Variants in ZAP70 observed in about 807,000 individuals in gnomAD.
ZAP70 encodes tyrosine-protein kinase ZAP-70.
Under a neutral mutation model 65.8 loss-of-function variants are expected in ZAP70, and 27 were observed. The observed-to-expected ratio is 0.41, with a 90% confidence interval of 0.30 to 0.57. The LOEUF (loss-of-function observed/expected upper bound fraction) is 0.57, where lower values mean the gene tolerates loss of function less well. Ranked by LOEUF, ZAP70 falls within the 20% of genes least tolerant of loss-of-function variation. The probability of loss-of-function intolerance (pLI) is 0.28; values close to 1 mark genes in which losing one functional copy is unlikely to be tolerated. For missense variants in ZAP70, 696 were observed against 870.5 expected (o/e 0.80, Z 2.52); for synonymous variants, 363 against 360.8 (o/e 1.01, Z -0.07).
In ZAP70 at chr2:97,724,100, G is replaced by T; in HGVS notation, c.64G>T (p.Glu22Ter). 6.4e-7 allele frequency: 1 copy of T among 1,566,824 alleles called. No individual in the cohort carries two copies. Among genetic ancestry groups the T allele is most frequent in the Non-Finnish European group, 8.6e-7 (1 of 1,159,510 alleles). ...YGSISRAEAE[E>*]HLKLAGMADG... is the part of the protein sequence containing the mutation. ...CAGCATCTCGCGTGCCGAGGCCGAG[G>T]AGCACCTGAAGCTGGCGGGCATGGC... The change falls in exon 3 of 14, where the codon GAG becomes TAG. Residue 22 changes from glutamate (E) to a stop codon, truncating the protein, a stop_gained. Coordinates refer to ENST00000264972, the MANE Select transcript of ZAP70 (RefSeq NM_001079.4). LOFTEE classifies it high-confidence loss of function.
chr2:97,749,333 C>T, the ZAP70 span, among the ~76,000 whole-genome samples: 2 of 152,294 alleles, frequency 1.3e-5, no homozygotes, highest in East Asian at 3.9e-4. Context: ...TTACAAAAGG[C>T]ACAGACTAAT....
chr2:97,716,214 C>T (rs933125335), intron 2 of ZAP70, among the ~76,000 whole-genome samples: 1 of 152,160 alleles, frequency 6.6e-6, no homozygotes, highest in Non-Finnish European at 1.5e-5. Flanking sequence ...TCCCGCCATC[C>T]TCCACCCAAG....
intron 13 of ZAP70, 37 bp from the exon 14 acceptor site, chr2:97,739,338 C>T (rs762164025): frequency 2.2e-5 from 36 of 1,611,200 alleles, no homozygotes; most frequent in Middle Eastern, 1.6e-4. Flanking sequence ...GTCCTGGGGG[C>T]GTGGTCAGCA....
Position 97,734,611 on chromosome 2 carries a change from C to G in ZAP70, c.981C>G (p.Asp327Glu), listed in dbSNP as rs201605654. The G allele has an allele frequency of 1.4e-4, 220 of 1,614,126 alleles. No individual in the cohort carries two copies. The highest frequency in any genetic ancestry group is 6.0e-4 in the Admixed American group (36 of 60,014). ...SPYSDPEELK[D>E]KKLFLKRDNL... Reference sequence around the variant, plus strand: ...ACAGCGACCCAGAGGAGCTCAAGGACAAGAAGCTCTTCCTGAAGCGCGATA... The same window carrying G: ...ACAGCGACCCAGAGGAGCTCAAGGAGAAGAAGCTCTTCCTGAAGCGCGATA... The change falls in exon 9 of 14, where the codon GAC becomes GAG. Residue 327 changes from aspartate (D) to glutamate (E), a missense_variant. Around this residue, in one of 3 missense-constraint regions of ZAP70, gnomAD observed 551 missense variants for 630.0 expected, o/e 0.87. Transcript: ENST00000264972.
the ZAP70 span, among the ~76,000 whole-genome samples, chr2:97,747,088 G>T: frequency 6.6e-6 from 1 of 152,222 alleles, no homozygotes; most frequent in African/African-American, 2.4e-5. Flanking sequence ...GGAGAAGTCA[G>T]ATCACTCGTG....
chr2:97,727,280 G>A (rs548578433), intron 4 of ZAP70, among the ~76,000 whole-genome samples: 12 of 152,384 alleles, frequency 7.9e-5, no homozygotes, highest in South Asian at 4.1e-4. Context: ...ACGGTTGGTC[G>A]TAGGATTGGA....
At position 97,718,352 on chromosome 2, in the gene ZAP70, C is replaced by T. The variant is rs372919633; in HGVS notation, c.-22+4358C>T. Among the ~76,000 whole-genome samples the T allele has an allele frequency of 7.2e-5, 11 of 152,312 alleles. No individual in the cohort carries two copies. The South Asian group carries it at 2.3e-3, about 32-fold the overall frequency. ...GCTAGCCGCTGCGTGGCAAATGCTC[C>T]CACCTCTTGCCCCCGGACTTTTCAT... On this transcript the variant is annotated intron_variant, in intron 2 of 13. Transcript: ENST00000264972.
At chr2:97,754,417 T>C in the ZAP70 span, among the ~76,000 whole-genome samples, 1 of 152,158 alleles carries the variant, frequency 6.6e-6, no homozygotes. Flanking sequence ...TCTTTTTTTT[T>C]GAGATGGAGT....
chr2:97,747,474 A>G, the ZAP70 span, among the ~76,000 whole-genome samples: 4 of 152,340 alleles, frequency 2.6e-5, no homozygotes, highest in South Asian at 8.3e-4. Flanking sequence ...AAAAAGCCAC[A>G]TATTGTGTGA....
At position 97,733,299 on chromosome 2, in the gene ZAP70, G is replaced by C. The variant is rs779887992; in HGVS notation, c.793G>C (p.Ala265Pro). ...CACTGTCCCTTCTGCTCCCCCAGGG[G>C]CTGCTGCTCCCACACTCCCAGCCCA... ...PNSSASNASG[A>P]AAPTLPAHPS... The change falls in exon 7 of 14, where the codon GCT (alanine) becomes CCT (proline). Residue 265 changes from alanine (A) to proline (P), a missense_variant and splice_region_variant. Physicochemically the swap from Ala to Pro is conservative, Grantham distance 27. Transcript: ENST00000264972. 6.2e-7 allele frequency: 1 copy of C among 1,603,374 alleles called. No homozygotes were observed. Among genetic ancestry groups the C allele is most frequent in the South Asian group, 1.1e-5 (1 of 89,686 alleles).
chr2:97,749,763 G>A, the ZAP70 span, among the ~76,000 whole-genome samples: 5 of 152,172 alleles, frequency 3.3e-5, no homozygotes, highest in Admixed American at 6.5e-5. Flanking sequence ...ACATGCTGCC[G>A]CAGTTCTGCT....
chr2:97,723,283 G>A lies in ZAP70; in HGVS notation c.-21-733G>A, dbSNP rs892192078. Among the ~76,000 whole-genome samples, 6 of 152,396 alleles carry A rather than the reference G, an allele frequency of 3.9e-5. No individual in the cohort carries two copies. In the South Asian group the frequency reaches 1.0e-3, roughly 26 times the overall value. ...TGCCAAGGAAGGCAGAGGGCAGGGC[G>A]AGGGGTGCCTGCTAAGGCCGAGGGG... is the stretch of plus-strand genomic sequence containing the variant. On this transcript the variant is annotated intron_variant, in intron 2 of 13. Coordinates refer to ENST00000264972, the MANE Select transcript of ZAP70 (RefSeq NM_001079.4).
At chr2:97,750,893 T>A in the ZAP70 span, among the ~76,000 whole-genome samples, 1 of 152,246 alleles carries the variant, frequency 6.6e-6, no homozygotes, top group Non-Finnish European at 1.5e-5. Context: ...TGGTCTCGTT[T>A]ATGGCTTCAG....
In ZAP70 at chr2:97,739,542, C is replaced by A. The variant is rs1170459027; in HGVS notation, c.*44C>A. Reference sequence around the variant, plus strand: ...AGCCCTCCACGCCGGCTCTTCCCCACCCTCAGCCCCACCCCAGGTCCTGCA... The same window carrying A: ...AGCCCTCCACGCCGGCTCTTCCCCAACCTCAGCCCCACCCCAGGTCCTGCA... On this transcript the variant is annotated 3_prime_UTR_variant, in exon 14 of 14. Transcript: ENST00000264972. 1.3e-6 allele frequency: 2 copies of A among 1,596,640 alleles called. No individual in the cohort carries two copies. Among genetic ancestry groups the A allele is most frequent in the Non-Finnish European group, 1.7e-6 (2 of 1,172,446 alleles).
downstream of ZAP70, among the ~76,000 whole-genome samples, chr2:97,742,422 C>T (rs1301244174): frequency 1.3e-5 from 2 of 152,260 alleles, no homozygotes; most frequent in African/African-American, 4.8e-5. Flanking sequence ...CGTCTCATGG[C>T]CTCATGCCCA....
chr2:97,732,007 G>A (rs1185026227), intron 4 of ZAP70, among the ~76,000 whole-genome samples: 1 of 152,160 alleles, frequency 6.6e-6, no homozygotes, highest in African/African-American at 2.4e-5. Flanking sequence ...GCTGACTGGT[G>A]TCACTGTGGG....
the ZAP70 span, among the ~76,000 whole-genome samples, chr2:97,749,270 A>C: frequency 6.6e-6 from 1 of 152,114 alleles, no homozygotes; most frequent in East Asian, 1.9e-4. Context: ...CGGCCTCCCA[A>C]AGTGCTAGGA....
chr2:97,744,872 A>T, the ZAP70 span, among the ~76,000 whole-genome samples: 1 of 152,262 alleles, frequency 6.6e-6, no homozygotes, highest in South Asian at 2.1e-4. Context: ...AATATTAAAT[A>T]TAAGAGCCCA....
At chr2:97,734,872 G>A in intron 9 of ZAP70, 160 bp downstream of exon 9, 1 of 1,009,770 alleles carries the variant, frequency 9.9e-7, no homozygotes, top group Non-Finnish European at 1.5e-6. Context: ...TTCCCTGAGA[G>A]AGCTCGGGAC....
Sources: gnomAD v4.1 joint callset for allele counts (sites outside exome capture counted in the v4.1 genomes callset) on GRCh38, gnomAD v4.1.1 for gene constraint, gnomAD v4.1.1 regional missense constraint, MANE v1.5 for transcripts, NCBI Gene and HGNC (gene_info 2026-07-23, HGNC 2026-07-21) for gene names.